The following BAIAP2L2 variants were observed in gnomAD, a reference collection of about 807,000 sequenced individuals.
BAIAP2L2 encodes the protein BAR/IMD domain containing adaptor protein 2 like 2.
In BAIAP2L2, 65 loss-of-function variants were observed where a neutral mutation model predicts 60.4. That is an observed-to-expected ratio of 1.08 (90% confidence interval 0.88 to 1.32). The LOEUF (loss-of-function observed/expected upper bound fraction) is 1.32. Ranked by LOEUF, BAIAP2L2 falls within the 40% of genes most tolerant of loss-of-function variation. The pLI, the probability that BAIAP2L2 is intolerant of heterozygous loss-of-function variation, is 0.00. For missense variants in BAIAP2L2, 836 were observed against 741.2 expected, an observed-to-expected ratio of 1.13 and a Z score of -1.48; for synonymous variants, 344 against 301.7, an observed-to-expected ratio of 1.14 and a Z score of -1.45.
chr22:38,091,614 A>G (rs1421293410), intron 7 of BAIAP2L2: 1 of 152,218 alleles, frequency 6.6e-6, no homozygotes, highest in Non-Finnish European at 1.5e-5. Context: ...TTTTAAAAAT[A>G]TATTTACGAA....
rs2086009373 is a variant in BAIAP2L2, at chr22:38,085,011, G to T, written c.*289C>A. ...CCTCCCCACGGGGGCAGAAAAGGGG[G>T]AAAGAGGTTAGGGGGCAAGAGGTGG... On this transcript the variant is annotated 3_prime_UTR_variant, in exon 14 of 14. Coordinates refer to ENST00000381669, the MANE Select transcript of BAIAP2L2 (RefSeq NM_025045.6). 1 of 389,548 alleles carries T rather than the reference G, an allele frequency of 2.6e-6. No individual in the cohort carries two copies. Among genetic ancestry groups the T allele is most frequent in the African/African-American group, 2.1e-5 (1 of 48,772 alleles). The allele number at this position is 389,548 out of a possible 1,614,324, so 24.1% of individuals were successfully genotyped here. A position where few individuals can be genotyped will look rare whatever the true frequency, so the allele number is the denominator to read the frequency against.
rs2086432459 is a variant in BAIAP2L2, at chr22:38,096,554, C to A, written c.612+478G>T. 2.6e-5 allele frequency among the ~76,000 whole-genome samples: 4 copies of A among 152,294 alleles called. No individual in the cohort carries two copies. In the South Asian group the frequency reaches 8.3e-4, roughly 32 times the overall value. Reference sequence around the variant, plus strand: ...CCTGTAGTCCCAGCTACTCGGGAGGCTGAGGCAGGAGAATCGCTTGAACCC... The same window carrying A: ...CCTGTAGTCCCAGCTACTCGGGAGGATGAGGCAGGAGAATCGCTTGAACCC... On this transcript the variant is annotated intron_variant, in intron 7 of 13. Transcript: ENST00000381669.
intron 4 of BAIAP2L2, among the ~76,000 whole-genome samples, chr22:38,104,800 A>T (rs537803520): frequency 2.1e-3 from 310 of 147,742 alleles, no homozygotes; most frequent in African/African-American, 7.0e-3. Context: ...CCAGCCAAAA[A>T]TTTTTTTTTT....
intron 3 of BAIAP2L2, 44 bp from the exon 4 acceptor site, chr22:38,107,957 G>GCCCC: frequency 4.4e-6 from 7 of 1,582,068 alleles, no homozygotes; most frequent in Middle Eastern, 1.7e-4. Context: ...GTGGCAGCCT[G>GCCCC]CCCCGCCCAC....
At position 38,097,100 on chromosome 22, in the gene BAIAP2L2, G is replaced by A; in HGVS notation, c.544C>T (p.Arg182Trp). The A allele has an allele frequency of 6.2e-7, 1 of 1,614,038 alleles. No homozygotes were observed. ...SQRAAELEEK[R>W]RYRFLAEKHL... Reference sequence around the variant, plus strand: ...TTCTCTGCTAGGAAGCGATAGCGCCGCTTCTCTTCCAATTCAGCCGCCCGC... The same window carrying A: ...TTCTCTGCTAGGAAGCGATAGCGCCACTTCTCTTCCAATTCAGCCGCCCGC... Residue 182 changes from arginine to tryptophan, a missense_variant, in exon 7 of 14, where the codon CGG becomes TGG. Arg to Trp is a moderately radical substitution (Grantham distance 101). Coordinates refer to ENST00000381669, the MANE Select transcript of BAIAP2L2 (RefSeq NM_025045.6).
chr22:38,088,956 A>G lies in BAIAP2L2; in HGVS notation c.910T>C (p.Tyr304His). The G allele has an allele frequency of 1.3e-6, 2 of 1,524,654 alleles. No homozygotes were observed. The highest frequency in any genetic ancestry group is 1.8e-6 in the Non-Finnish European group (2 of 1,141,342). 94.4% of individuals were successfully genotyped at this position (1,524,654 alleles called of 1,614,324 possible). The change falls in exon 10 of 14, where the codon TAC becomes CAC. Residue 304 changes from tyrosine to histidine, a missense_variant. Transcript: ENST00000381669. The part of the protein sequence containing the change: ...LPRTPSASSL[Y>H]SGSAQSSRSN... ...CGCGAGCTTTGGGCGCTGCCGCTGTAGAGCGAGGCTGTGGGCGGGAGAGCG... is the reference window on the plus strand; with the variant it reads ...CGCGAGCTTTGGGCGCTGCCGCTGTGGAGCGAGGCTGTGGGCGGGAGAGCG...
chr22:38,102,402 T>C (rs1433474682), intron 4 of BAIAP2L2, among the ~76,000 whole-genome samples: 1 of 152,146 alleles, frequency 6.6e-6, no homozygotes. Context: ...TTTGGAAAAC[T>C]ACATAAGAAC....
chr22:38,106,528 T>TAAAA (rs71195083), intron 4 of BAIAP2L2, among the ~76,000 whole-genome samples: 2 of 121,958 alleles, frequency 1.6e-5, no homozygotes, highest in Non-Finnish European at 1.7e-5. Flanking sequence ...TCAAAAAAAT[T>TAAAA]AAAAAAAAAA....
At position 38,108,310 on chromosome 22, in the gene BAIAP2L2, A is replaced by G. The variant is rs755892004; in HGVS notation, c.159T>C (p.Ser53=). 3 of 1,612,732 alleles carry G rather than the reference A, an allele frequency of 1.9e-6. No homozygotes were observed. Among genetic ancestry groups the G allele is most frequent in the Admixed American group, 1.7e-5 (1 of 60,012 alleles). ...CACGCTCCCCAATCTTCTGGATGGC[A>G]CTGAAGTAGACCTCGGCCGCCTCGG... The part of the protein sequence containing the change: ...ALSEAAEVYF[S]AIQKIGERAL... Residue 53 remains serine (S), a synonymous_variant, in exon 3 of 14, where the codon AGT becomes AGC. Transcript: ENST00000381669.
At position 38,110,140 on chromosome 22, in the gene BAIAP2L2, A is replaced by G. The variant is rs1057455749; in HGVS notation, c.51+335T>C. Among the ~76,000 whole-genome samples the G allele has an allele frequency of 6.8e-3, 735 of 108,460 alleles. 57 individuals are homozygous for G. Among genetic ancestry groups the G allele is most frequent in the African/African-American group, 0.06 (698 of 11,720 alleles). The allele number at this position is 108,460 out of a possible 152,430, so 71.2% of individuals were successfully genotyped here. ...GAGAGGGAGAGAGAGAGAGAGAGAGAGAGAGAGAGGGAGAGACAGAGAGAG... is the reference window on the plus strand; with the variant it reads ...GAGAGGGAGAGAGAGAGAGAGAGAGGGAGAGAGAGGGAGAGACAGAGAGAG... On this transcript the variant is annotated intron_variant, in intron 1 of 13. Coordinates refer to ENST00000381669, the MANE Select transcript of BAIAP2L2 (RefSeq NM_025045.6).
rs1162931010 is a variant in BAIAP2L2, at chr22:38,087,019, CAAAA to C, written c.1259+101_1259+104del. The C allele has an allele frequency of 9.8e-5, 116 of 1,177,820 alleles. 1 individual carries two copies. In the South Asian group the frequency reaches 2.3e-3, roughly 23 times the overall value. 73.0% of individuals were successfully genotyped at this position (1,177,820 alleles called of 1,614,324 possible). A position where few individuals can be genotyped will look rare whatever the true frequency, so the allele number is the denominator to read the frequency against. ...TCAAAAAAAAAAAAACAAAACAAAA[CAAAA>C]AAACAAAAAAACAAGCCTGCACCTT... On this transcript the variant is annotated intron_variant, in intron 11 of 13. Transcript: ENST00000381669.
intron 10 of BAIAP2L2, among the ~76,000 whole-genome samples, chr22:38,087,709 G>A (rs773067843): frequency 2.0e-5 from 3 of 151,406 alleles, no homozygotes; most frequent in African/African-American, 4.9e-5. Context: ...ATGGACCTTC[G>A]CGCCTAACTA....
Position 38,087,148 on chromosome 22 carries a change from T to TTGTG in BAIAP2L2, c.1234_1235insCACA (p.Asn412ThrfsTer22). On this transcript the variant is annotated frameshift_variant, in exon 11 of 14. Coordinates refer to ENST00000381669, the MANE Select transcript of BAIAP2L2 (RefSeq NM_025045.6). LOFTEE classifies it high-confidence loss of function. ...CCTGGAAGGCAGCTCGTTCCCGGGG[T>TTGTG]TCATGGGTGTCATGGGGGACATGGA... is the stretch of plus-strand genomic sequence containing the variant. 1 of 1,591,928 alleles carries TTGTG rather than the reference T, an allele frequency of 6.3e-7. No homozygotes were observed. Among genetic ancestry groups the TTGTG allele is most frequent in the African/African-American group, 1.4e-5 (1 of 73,194 alleles).
chr22:38,101,889 A>G (rs909422014), intron 4 of BAIAP2L2, among the ~76,000 whole-genome samples: 16 of 152,048 alleles, frequency 1.1e-4, no homozygotes, highest in African/African-American at 3.9e-4. Flanking sequence ...AAACAAACAA[A>G]ACCACCAAAA....
In BAIAP2L2 at chr22:38,094,753, G is replaced by A. The variant is rs144059938; in HGVS notation, c.612+2279C>T. On this transcript the variant is annotated intron_variant, in intron 7 of 13. Transcript: ENST00000381669. Reference sequence around the variant, plus strand: ...CAGTGGGCAGATGAGAGCCTGAGCCGAAATCTGGGTCTTTGGATCCAGTCA... The same window carrying A: ...CAGTGGGCAGATGAGAGCCTGAGCCAAAATCTGGGTCTTTGGATCCAGTCA... 2.4e-3 allele frequency among the ~76,000 whole-genome samples: 361 copies of A among 152,280 alleles called. 1 individual carries two copies. Among genetic ancestry groups the A allele is most frequent in the African/African-American group, 7.9e-3 (330 of 41,566 alleles).
chr22:38,093,887 GTACA>G (rs1240429419), intron 7 of BAIAP2L2: 3 of 456,390 alleles, frequency 6.6e-6, no homozygotes, highest in African/African-American at 2.0e-5. Context: ...ATGAAGACTC[GTACA>G]TGGATGCTCA....
chr22:38,085,005 A>AC lies in BAIAP2L2; in HGVS notation c.*294_*295insG. On this transcript the variant is annotated 3_prime_UTR_variant, in exon 14 of 14. Coordinates refer to ENST00000381669, the MANE Select transcript of BAIAP2L2 (RefSeq NM_025045.6). ...GGGGCTCCTCCCCACGGGGGCAGAA[A>AC]AGGGGGAAAGAGGTTAGGGGGCAAG... The AC allele has an allele frequency of 2.8e-6, 1 of 359,344 alleles. No homozygotes were observed. The highest frequency in any genetic ancestry group is 5.2e-6 in the Non-Finnish European group (1 of 191,890). The allele number at this position is 359,344 out of a possible 1,614,324, so 22.3% of individuals were successfully genotyped here. A position where few individuals can be genotyped will look rare whatever the true frequency, so the allele number is the denominator to read the frequency against.
At chr22:38,105,095 A>C (rs921832145) in intron 4 of BAIAP2L2, among the ~76,000 whole-genome samples, 1 of 152,152 alleles carries the variant, frequency 6.6e-6, no homozygotes, top group Non-Finnish European at 1.5e-5. Flanking sequence ...TTTTTAAAAC[A>C]TTCTAAGTCA....
chr22:38,094,658 C>A (rs953397650), intron 7 of BAIAP2L2, among the ~76,000 whole-genome samples: 4 of 152,200 alleles, frequency 2.6e-5, no homozygotes, highest in Non-Finnish European at 5.9e-5. Flanking sequence ...GAAGTTGTTT[C>A]TCCCTGGCAG....
Sources: gnomAD v4.1 joint callset for allele counts (sites outside exome capture counted in the v4.1 genomes callset) on GRCh38, gnomAD v4.1.1 for gene constraint, MANE v1.5 for transcripts, NCBI Gene and HGNC (gene_info 2026-07-23, HGNC 2026-07-21) for gene names.